Variants in TNIK observed in about 807,000 individuals in gnomAD.
The protein encoded by TNIK is TRAF2 and NCK-interacting protein kinase.
TNIK carries 49 observed loss-of-function variants against 191.3 expected under a neutral mutation model. The observed-to-expected ratio is 0.26, with a 90% CI of 0.20 to 0.32. The LOEUF is 0.32. Among genes scored for constraint, TNIK ranks in the 10% least tolerant of loss-of-function variants. The probability of loss-of-function intolerance (pLI) is 1.00; values close to 1 mark genes in which losing one functional copy is unlikely to be tolerated. For missense variants in TNIK, 1,155 were observed against 1,702.3 expected, an observed-to-expected ratio of 0.68 and a Z score of 5.66; for synonymous variants, 594 against 600.9, an observed-to-expected ratio of 0.99 and a Z score of 0.17.
chr3:171,362,712 T>C (rs1482502742), intron 2 of TNIK, among the ~76,000 whole-genome samples: 1 of 152,172 alleles, frequency 6.6e-6, no homozygotes, highest in African/African-American at 2.4e-5. Flanking sequence ...ATCTGTACTA[T>C]TAATAAAAGA....
intron 2 of TNIK, among the ~76,000 whole-genome samples, chr3:171,347,472 C>T (rs551758526): frequency 2.6e-5 from 4 of 151,622 alleles, no homozygotes; most frequent in Admixed American, 6.6e-5. Flanking sequence ...ATGAGCTAGC[C>T]CAAATGACTT....
At chr3:171,375,435 G>A (rs1405658578) in intron 1 of TNIK, among the ~76,000 whole-genome samples, 1 of 152,144 alleles carries the variant, frequency 6.6e-6, no homozygotes, top group Non-Finnish European at 1.5e-5. Flanking sequence ...AGGTATTTAT[G>A]GACAAAATGT....
At chr3:171,226,283 G>A (rs1030896658) in intron 3 of TNIK, among the ~76,000 whole-genome samples, 1 of 152,156 alleles carries the variant, frequency 6.6e-6, no homozygotes, top group South Asian at 2.1e-4. Flanking sequence ...TATTTCACTG[G>A]AAGGGGCTCA....
chr3:171,070,698 A>T (rs1382901077), intron 29 of TNIK, among the ~76,000 whole-genome samples: 3 of 152,162 alleles, frequency 2.0e-5, no homozygotes, highest in South Asian at 2.1e-4. Flanking sequence ...ACAAGGTAAA[A>T]AAATGAAAAG....
chr3:171,285,867 T>C (rs750518710), intron 2 of TNIK, among the ~76,000 whole-genome samples: 2 of 152,218 alleles, frequency 1.3e-5, no homozygotes, highest in Non-Finnish European at 2.9e-5. Flanking sequence ...GATTCTGATG[T>C]AGTCGGAGAG....
intron 16 of TNIK, among the ~76,000 whole-genome samples, chr3:171,127,121 T>C (rs964560440): frequency 6.6e-6 from 1 of 151,680 alleles, no homozygotes; most frequent in Non-Finnish European, 1.5e-5. Flanking sequence ...TAAATCCTGG[T>C]TGGGGAAAAA....
At chr3:171,218,881 T>TTA (rs1231132737) in intron 3 of TNIK, among the ~76,000 whole-genome samples, 1 of 131,068 alleles carries the variant, frequency 7.6e-6, no homozygotes, top group Non-Finnish European at 1.6e-5. Context: ...TATTTTATTT[T>TTA]TATATATTAT....
At chr3:171,275,773 T>G (rs1458108226) in intron 2 of TNIK, among the ~76,000 whole-genome samples, 1 of 152,106 alleles carries the variant, frequency 6.6e-6, no homozygotes, top group East Asian at 1.9e-4. Context: ...GGTGGGTGCC[T>G]GTAGTCCCAG....
chr3:171,377,515 G>A (rs1717426331), intron 1 of TNIK, among the ~76,000 whole-genome samples: 1 of 152,176 alleles, frequency 6.6e-6, no homozygotes, highest in African/African-American at 2.4e-5. Flanking sequence ...AGCTATAATA[G>A]GCATTATCGT....
intron 2 of TNIK, among the ~76,000 whole-genome samples, chr3:171,293,175 A>T (rs1751880391): frequency 6.6e-6 from 1 of 152,224 alleles, no homozygotes; most frequent in Non-Finnish European, 1.5e-5. Context: ...AGAGGAGGAA[A>T]CCACAAATAT....
intron 2 of TNIK, among the ~76,000 whole-genome samples, chr3:171,264,839 G>A (rs1195979164): frequency 1.3e-5 from 2 of 152,192 alleles, no homozygotes; most frequent in Non-Finnish European, 2.9e-5. Context: ...TAAGTTTACA[G>A]TTAAGGAGAC....
chr3:171,098,622 T>C (rs1723038794), intron 22 of TNIK, among the ~76,000 whole-genome samples: 1 of 152,220 alleles, frequency 6.6e-6, no homozygotes, highest in African/African-American at 2.4e-5. Flanking sequence ...GCTCCATTTC[T>C]GAGAAGCTTC....
At chr3:171,324,444 GGCT>G (rs996543454) in intron 2 of TNIK, among the ~76,000 whole-genome samples, 6 of 152,098 alleles carry the variant, frequency 3.9e-5, no homozygotes, top group African/African-American at 1.2e-4. Context: ...GACTTTACAT[GGCT>G]GCTACTAGGT....
In TNIK at chr3:171,140,354, G is replaced by A. The variant is rs116346346; in HGVS notation, c.1332+45C>T. On this transcript the variant is annotated intron_variant, in intron 13 of 32. Transcript: ENST00000436636. ...CACACCCCAGAGAAGGCTGGTGCTGGGGTCCCCGGGGGGCCATCAGTGGGG... is the reference window on the plus strand; with the variant it reads ...CACACCCCAGAGAAGGCTGGTGCTGAGGTCCCCGGGGGGCCATCAGTGGGG... 2.6e-3 allele frequency: 3,777 copies of A among 1,480,412 alleles called. 91 individuals are homozygous for A. The African/African-American group carries it at 0.049, about 19-fold the overall frequency. 91.7% of individuals were successfully genotyped at this position (1,480,412 alleles called of 1,614,324 possible). A position where few individuals can be genotyped will look rare whatever the true frequency, so the allele number is the denominator to read the frequency against.
chr3:171,319,338 T>C (rs188886342), intron 2 of TNIK, among the ~76,000 whole-genome samples: 87 of 152,340 alleles, frequency 5.7e-4, no homozygotes, highest in Middle Eastern at 6.8e-3. Context: ...GCAAAAATTC[T>C]GCAGTTAAGT....
chr3:171,218,709 AT>A (rs11303872), intron 3 of TNIK, among the ~76,000 whole-genome samples: 38,845 of 147,212 alleles, frequency 0.26, 6,868 homozygotes, highest in African/African-American at 0.5. Flanking sequence ...ATAAATATGC[AT>A]TTATACTCTA....
At chr3:171,144,848 G>A (rs529041643) in intron 12 of TNIK, among the ~76,000 whole-genome samples, 27 of 152,156 alleles carry the variant, frequency 1.8e-4, no homozygotes, top group Non-Finnish European at 3.5e-4. Flanking sequence ...CAGTGAGTGA[G>A]ATCATATGGT....
At chr3:171,408,163 T>C (rs1412499717) in intron 1 of TNIK, among the ~76,000 whole-genome samples, 2 of 152,210 alleles carry the variant, frequency 1.3e-5, no homozygotes, top group African/African-American at 4.8e-5. Context: ...TCACATAATG[T>C]TTATGTTCTG....
At chr3:171,210,123 C>A (rs1163881174) in intron 4 of TNIK, among the ~76,000 whole-genome samples, 1 of 152,012 alleles carries the variant, frequency 6.6e-6, no homozygotes, top group Non-Finnish European at 1.5e-5. Context: ...ATTAATATAA[C>A]AACGACATGT....
Sources: gnomAD v4.1 joint callset for allele counts (sites outside exome capture counted in the v4.1 genomes callset) on GRCh38, gnomAD v4.1.1 for gene constraint, MANE v1.5 for transcripts, NCBI Gene and HGNC (gene_info 2026-07-23, HGNC 2026-07-21) for gene names.